ST8SIA5: variants seen among roughly 807,000 people sequenced by gnomAD.
ST8SIA5 encodes the protein ST8 alpha-N-acetyl-neuraminide alpha-2,8-sialyltransferase 5.
In ST8SIA5, 24 loss-of-function variants were observed where a neutral mutation model predicts 40.2. The ratio of observed to expected loss-of-function variants is 0.60; its 90% CI spans 0.43 to 0.84. The LOEUF is 0.84. ST8SIA5 is among the 40% of genes least tolerant of loss of function. ST8SIA5 has a pLI of 0.00. For missense variants in ST8SIA5, 465 were observed against 498.5 expected (o/e 0.93, Z 0.64); for synonymous variants, 198 against 201.8 (o/e 0.98, Z 0.16).
intron 5 of ST8SIA5, among the ~76,000 whole-genome samples, chr18:46,684,853 C>G (rs1242236189): frequency 6.6e-6 from 1 of 152,072 alleles, no homozygotes; most frequent in Non-Finnish European, 1.5e-5. Context: ...CCGTGGGAGC[C>G]CAGAAAAGGG....
intron 1 of ST8SIA5, chr18:46,721,566 A>G (rs1328036164): frequency 2.0e-6 from 2 of 1,001,668 alleles, no homozygotes; most frequent in Admixed American, 2.0e-5. Flanking sequence ...CAAGTGACAC[A>G]TTGCCTTGGT....
At chr18:46,710,856 A>T (rs1364819036) in intron 1 of ST8SIA5, among the ~76,000 whole-genome samples, 1 of 152,132 alleles carries the variant, frequency 6.6e-6, no homozygotes, top group Non-Finnish European at 1.5e-5. Context: ...CTACAAGATG[A>T]GGTCCATGCA....
chr18:46,724,666 G>A (rs553966715), intron 1 of ST8SIA5, among the ~76,000 whole-genome samples: 25 of 152,128 alleles, frequency 1.6e-4, no homozygotes, highest in African/African-American at 4.6e-4. Context: ...TCCTACAAAC[G>A]CCTCATGCAG....
intron 1 of ST8SIA5, chr18:46,730,265 A>G: frequency 1.0e-6 from 1 of 985,196 alleles, no homozygotes; most frequent in Non-Finnish European, 1.2e-6. Context: ...TCCACCATTC[A>G]CTAGCAGTGT....
chr18:46,715,930 C>T (rs1301856196), intron 1 of ST8SIA5, among the ~76,000 whole-genome samples: 3 of 151,890 alleles, frequency 2.0e-5, no homozygotes, highest in Admixed American at 2.0e-4. Flanking sequence ...TTATTATGGT[C>T]TAACAGCAAG....
chr18:46,723,415 G>T (rs189334790), intron 1 of ST8SIA5, among the ~76,000 whole-genome samples: 23 of 152,290 alleles, frequency 1.5e-4, no homozygotes, highest in African/African-American at 5.5e-4. Flanking sequence ...AGCTGGGCAT[G>T]GTGGCACTTG....
intron 1 of ST8SIA5, among the ~76,000 whole-genome samples, chr18:46,720,550 T>G (rs2144527394): frequency 6.6e-6 from 1 of 152,248 alleles, no homozygotes; most frequent in South Asian, 2.1e-4. Flanking sequence ...CAGGGTCAAT[T>G]TAATGTTTGT....
intron 1 of ST8SIA5, among the ~76,000 whole-genome samples, chr18:46,718,604 T>G (rs1418529766): frequency 6.6e-6 from 1 of 152,140 alleles, no homozygotes; most frequent in Non-Finnish European, 1.5e-5. Context: ...TCATTTGGAC[T>G]GGCTCCTTCT....
chr18:46,693,593 G>A (rs915299142), intron 2 of ST8SIA5, among the ~76,000 whole-genome samples: 2 of 152,132 alleles, frequency 1.3e-5, no homozygotes, highest in African/African-American at 4.8e-5. Context: ...CATTTACATC[G>A]ACTTATTTAT....
chr18:46,743,343 G>T (rs531830569), intron 1 of ST8SIA5, among the ~76,000 whole-genome samples: 1 of 152,238 alleles, frequency 6.6e-6, no homozygotes, highest in African/African-American at 2.4e-5. Flanking sequence ...GGCTAAACTA[G>T]AATAAACAGT....
chr18:46,720,304 C>A (rs542103955), intron 1 of ST8SIA5, among the ~76,000 whole-genome samples: 34 of 152,226 alleles, frequency 2.2e-4, no homozygotes, highest in Non-Finnish European at 2.4e-4. Flanking sequence ...AGCATGGGCC[C>A]CCACCTTACC....
At position 46,672,580 on chromosome 18, in the gene ST8SIA5, A is replaced by G. The variant is rs1260628939; in HGVS notation, c.*7462T>C. 6.6e-6 allele frequency: 1 copy of G among 151,560 alleles called. No homozygotes were observed. The highest frequency in any genetic ancestry group is 1.5e-5 in the Non-Finnish European group (1 of 67,968). 9.4% of individuals were successfully genotyped at this position (151,560 alleles called of 1,614,324 possible). A position where few individuals can be genotyped will look rare whatever the true frequency, so the allele number is the denominator to read the frequency against. On this transcript the variant is annotated 3_prime_UTR_variant, in exon 7 of 7. Transcript: ENST00000315087. ...TTTGTGGCCAACAGCTAAGTCATGGAAGTGTATGTTTTTGCTTTTGGTTTT... is the reference window on the plus strand; with the variant it reads ...TTTGTGGCCAACAGCTAAGTCATGGGAGTGTATGTTTTTGCTTTTGGTTTT...
chr18:46,756,272 C>T (rs2040244406), intron 1 of ST8SIA5, 106 bp downstream of exon 1: 9 of 1,477,666 alleles, frequency 6.1e-6, no homozygotes, highest in African/African-American at 1.4e-5. Flanking sequence ...GCGGACCCCA[C>T]GGCCACTCAC....
intron 5 of ST8SIA5, among the ~76,000 whole-genome samples, chr18:46,685,162 G>A (rs562878473): frequency 7.9e-5 from 12 of 152,318 alleles, no homozygotes; most frequent in African/African-American, 2.9e-4. Context: ...TGACATTCCT[G>A]AGGTCATGTG....
chr18:46,704,286 G>A (rs373032346), intron 2 of ST8SIA5, among the ~76,000 whole-genome samples: 1 of 152,192 alleles, frequency 6.6e-6, no homozygotes, highest in African/African-American at 2.4e-5. Flanking sequence ...AGCCAGTAAT[G>A]ATAATCAGAG....
At chr18:46,696,365 T>C (rs2039556918) in intron 2 of ST8SIA5, among the ~76,000 whole-genome samples, 2 of 152,168 alleles carry the variant, frequency 1.3e-5, no homozygotes, top group East Asian at 1.9e-4. Flanking sequence ...GCCCCCTATA[T>C]GGCCACTGCT....
rs2039513460 is a variant in ST8SIA5, at chr18:46,692,250, T to G, written c.230A>C (p.Lys77Thr). The change falls in exon 3 of 7, where the codon AAG (lysine) becomes ACG (threonine). Residue 77 changes from lysine (K) to threonine (T), a missense_variant. Physicochemically the swap from Lys to Thr is moderately conservative, Grantham distance 78. Transcript: ENST00000315087. ...CCACCTGTCGAACAGCTCTGACTGC[T>G]TCACCCTTGGGAGTAGAGGACAGAA... Reference protein sequence around the residue: ...ILEVKVLSMVKQSELFDRWKS... With the variant: ...ILEVKVLSMVTQSELFDRWKS... The G allele has an allele frequency of 1.2e-6, 2 of 1,614,138 alleles. No individual in the cohort carries two copies. The highest frequency in any genetic ancestry group is 1.1e-5 in the South Asian group (1 of 91,080).
chr18:46,719,682 T>TCTTTCTTTCTTTCTTTCTTTCTTTC (rs138438614), intron 1 of ST8SIA5, among the ~76,000 whole-genome samples: 9 of 107,160 alleles, frequency 8.4e-5, no homozygotes, highest in Middle Eastern at 4.5e-3. Context: ...TTCTTTTCTT[T>TCTTTCTTTCTTTCTTTCTTTCTTTC]TTTCTTTCTT....
At chr18:46,725,972 A>ATATATATATATAT (rs1555696956) in intron 1 of ST8SIA5, among the ~76,000 whole-genome samples, 4 of 29,082 alleles carry the variant, frequency 1.4e-4, no homozygotes, top group African/African-American at 1.5e-4. Context: ...AAAAAAAAAA[A>ATATATATATATAT]ATATATATAT....
Sources: allele counts gnomAD v4.1 joint callset (sites outside exome capture counted in the v4.1 genomes callset), GRCh38; gene constraint gnomAD v4.1.1; transcripts MANE v1.5; gene names NCBI Gene and HGNC (gene_info 2026-07-23, HGNC 2026-07-21).